The following CEACAM7 variants were observed in gnomAD, a reference collection of about 807,000 sequenced individuals.
CEACAM7 encodes the protein CEA cell adhesion molecule 7.
Under a neutral mutation model 25.7 loss-of-function variants are expected in CEACAM7, and 24 were observed. The ratio of observed to expected loss-of-function variants is 0.93; its 90% CI spans 0.68 to 1.31. The LOEUF (loss-of-function observed/expected upper bound fraction) is 1.31, where lower values mean the gene tolerates loss of function less well. CEACAM7 is among the 40% of genes most tolerant of loss of function. The probability of loss-of-function intolerance (pLI) is 0.00; values close to 1 mark genes in which losing one functional copy is unlikely to be tolerated. For synonymous variants in CEACAM7, 144 were observed against 129.4 expected (o/e 1.11, Z -0.77); for missense variants, 324 against 330.1 (o/e 0.98, Z 0.14).
At chr19:41,686,675 T>G (rs1390273599) in intron 2 of CEACAM7, among the ~76,000 whole-genome samples, 184 bp downstream of exon 2, 3 of 152,194 alleles carry the variant, frequency 2.0e-5, no homozygotes, top group Non-Finnish European at 4.4e-5. Context: ...AGGGTCTGGA[T>G]GCAGGAAAGG....
In CEACAM7 at chr19:41,688,142, T is replaced by A. The variant is rs1860331; in HGVS notation, c.24A>T (p.Pro8=). MGSPSAC[P]YRVCIPWQGL... is the part of the protein sequence containing the mutation. ...CCTGCCAGGGAATGCACACTCTGTATGGACAGGCTGAAGGGGACCCCATGG... is the reference window on the plus strand; with the variant it reads ...CCTGCCAGGGAATGCACACTCTGTAAGGACAGGCTGAAGGGGACCCCATGG... The change falls in exon 1 of 5, where the codon CCA becomes CCT. Residue 8 remains proline (P), a synonymous_variant. Coordinates refer to ENST00000401731, the MANE Select transcript of CEACAM7 (RefSeq NM_001291485.2). 6.2e-7 allele frequency: 1 copy of A among 1,611,912 alleles called. No homozygotes were observed. The highest frequency in any genetic ancestry group is 1.3e-5 in the African/African-American group (1 of 74,842).
intron 1 of CEACAM7, among the ~76,000 whole-genome samples, chr19:41,687,473 C>T (rs1334411306): frequency 6.6e-6 from 1 of 152,200 alleles, no homozygotes; most frequent in Non-Finnish European, 1.5e-5. Context: ...GACCTGCTTA[C>T]ATCAGGGCAT....
intron 3 of CEACAM7, among the ~76,000 whole-genome samples, chr19:41,679,273 A>G (rs2072148215): frequency 6.6e-6 from 1 of 152,192 alleles, no homozygotes; most frequent in Admixed American, 6.5e-5. Flanking sequence ...ATTCCCAGAA[A>G]CATAAAACCT....
At chr19:41,682,341 A>T (rs1600432934) in intron 3 of CEACAM7, among the ~76,000 whole-genome samples, 1 of 152,106 alleles carries the variant, frequency 6.6e-6, no homozygotes, top group East Asian at 1.9e-4. Context: ...CGCTATAAAT[A>T]CACACTTTGT....
chr19:41,683,814 C>T lies in CEACAM7; in HGVS notation c.677G>A (p.Arg226His), dbSNP rs782307166. ...CEIQNPVGAS[R>H]SDPVTLNVRY... Reference sequence around the variant, plus strand: ...GACATTCAGGGTGACTGGGTCACTGCGGCTGGCACCCACTGGGTTCTGTAT... The same window carrying T: ...GACATTCAGGGTGACTGGGTCACTGTGGCTGGCACCCACTGGGTTCTGTAT... Residue 226 changes from arginine to histidine, a missense_variant, in exon 3 of 5, where the codon CGC becomes CAC. Physicochemically the swap from Arg to His is conservative, Grantham distance 29. Coordinates refer to ENST00000401731, the MANE Select transcript of CEACAM7 (RefSeq NM_001291485.2). The T allele has an allele frequency of 3.0e-5, 49 of 1,614,058 alleles. No individual in the cohort carries two copies. The highest frequency in any genetic ancestry group is 1.6e-4 in the Middle Eastern group (1 of 6,084).
Position 41,687,227 on chromosome 19 carries a change from A to T in CEACAM7, c.65-6T>A. On this transcript the variant is annotated splice_polypyrimidine_tract_variant and splice_region_variant and intron_variant, in intron 1 of 4. Coordinates refer to ENST00000401731, the MANE Select transcript of CEACAM7 (RefSeq NM_001291485.2). ...CCAGAAGGTTAAAAGCGAGGCTAGG[A>T]GGGGGAGAGAACATCAGTCAATATT... 1 of 1,584,702 alleles carries T rather than the reference A, an allele frequency of 6.3e-7. No individual in the cohort carries two copies. The highest frequency in any genetic ancestry group is 8.6e-7 in the Non-Finnish European group (1 of 1,165,076).
chr19:41,680,776 G>A (rs1469024180), intron 3 of CEACAM7, among the ~76,000 whole-genome samples: 9 of 151,988 alleles, frequency 5.9e-5, no homozygotes, highest in African/African-American at 2.2e-4. Flanking sequence ...AACCCAAAAT[G>A]GATCAAAGAC....
chr19:41,683,655 T>C (rs1276456590), intron 3 of CEACAM7, 130 bp downstream of exon 3: 14 of 1,419,016 alleles, frequency 9.9e-6, no homozygotes, highest in Non-Finnish European at 1.3e-5. Flanking sequence ...TGGCAGAAAG[T>C]CATGGCCAGC....
In CEACAM7 at chr19:41,673,964, C is replaced by T. The variant is rs2072089460; in HGVS notation, c.*812G>A. The T allele has an allele frequency of 6.6e-6, 1 of 152,098 alleles. No homozygotes were observed. Among genetic ancestry groups the T allele is most frequent in the Admixed American group, 6.6e-5 (1 of 15,266 alleles). 9.4% of individuals were successfully genotyped at this position (152,098 alleles called of 1,614,324 possible). A position where few individuals can be genotyped will look rare whatever the true frequency, so the allele number is the denominator to read the frequency against. ...TAGGCAGAGACCCCATGAACCAAAC[C>T]AAATAAAAGAGAATAGATTAAAGAA... On this transcript the variant is annotated 3_prime_UTR_variant, in exon 5 of 5. Coordinates refer to ENST00000401731, the MANE Select transcript of CEACAM7 (RefSeq NM_001291485.2).
rs562742500 is a variant in CEACAM7, at chr19:41,685,311, C to T, written c.428-1248G>A. On this transcript the variant is annotated intron_variant, in intron 2 of 4. Transcript: ENST00000401731. Reference sequence around the variant, plus strand: ...ATGAGACTCAACACCTGGGTGGCTTCTTTTTTTTTTAAGATCCAGGGATCT... The same window carrying T: ...ATGAGACTCAACACCTGGGTGGCTTTTTTTTTTTTTAAGATCCAGGGATCT... 5.4e-5 allele frequency among the ~76,000 whole-genome samples: 8 copies of T among 149,232 alleles called. No individual in the cohort carries two copies. In the East Asian group the frequency reaches 1.6e-3, roughly 29 times the overall value.
intron 1 of CEACAM7, 24 bp downstream of exon 1, chr19:41,688,078 A>T (rs1555811421): frequency 6.3e-7 from 1 of 1,596,472 alleles, no homozygotes; most frequent in Non-Finnish European, 8.5e-7. Flanking sequence ...CCTCCCACCC[A>T]CTCCCAGGAA....
chr19:41,685,187 C>T (rs2072214747), intron 2 of CEACAM7, among the ~76,000 whole-genome samples: 1 of 152,230 alleles, frequency 6.6e-6, no homozygotes, highest in Admixed American at 6.5e-5. Context: ...GCTTTGGGGA[C>T]TGCACACCTG....
chr19:41,683,890 G>C lies in CEACAM7; in HGVS notation c.601C>G (p.Leu201Val), dbSNP rs2072200628. 1.2e-6 allele frequency: 2 copies of C among 1,614,072 alleles called. No homozygotes were observed. The highest frequency in any genetic ancestry group is 1.1e-5 in the South Asian group (1 of 91,084). The change falls in exon 3 of 5, where the codon CTC becomes GTC. Residue 201 changes from leucine to valine, a missense_variant. Leu to Val is a conservative substitution (Grantham distance 32). Coordinates refer to ENST00000401731, the MANE Select transcript of CEACAM7 (RefSeq NM_001291485.2). ...TTCTTTGTGGCGCTGAGTAGAACGA[G>C]GGTCCTGTTGTCAGTGGAGAGCAGC... ...RLLLSTDNRT[L>V]VLLSATKNDI... is the part of the protein sequence containing the mutation.
chr19:41,682,430 C>T (rs1353539368), intron 3 of CEACAM7, among the ~76,000 whole-genome samples: 1 of 152,176 alleles, frequency 6.6e-6, no homozygotes, highest in Non-Finnish European at 1.5e-5. Flanking sequence ...CCTAGCTGTG[C>T]TCTGTGCTGT....
At chr19:41,685,536 T>A (rs2072217890) in intron 2 of CEACAM7, among the ~76,000 whole-genome samples, 1 of 152,152 alleles carries the variant, frequency 6.6e-6, no homozygotes. Flanking sequence ...TATGGATCAT[T>A]CATTCCTTCA....
chr19:41,687,330 AGTGTGTGT>A (rs55639350), intron 1 of CEACAM7, 109 bp from the exon 2 acceptor site: 30 of 778,320 alleles, frequency 3.9e-5, no homozygotes, highest in South Asian at 1.0e-4. Context: ...TCTTGAAGTA[AGTGTGTGT>A]GTGTGTGTGT....
chr19:41,679,728 C>T (rs540575571), intron 3 of CEACAM7, among the ~76,000 whole-genome samples: 3 of 151,032 alleles, frequency 2.0e-5, no homozygotes, highest in African/African-American at 7.3e-5. Context: ...GATACTAAAT[C>T]AACATGCAAA....
intron 3 of CEACAM7, among the ~76,000 whole-genome samples, chr19:41,682,203 T>G (rs1555810756): frequency 6.6e-6 from 1 of 152,182 alleles, no homozygotes; most frequent in Non-Finnish European, 1.5e-5. Flanking sequence ...CCTCTCGAAG[T>G]GCTGGAATTA....
rs1555809800 is a variant in CEACAM7 at position 41,673,344 on chromosome 19, G to A, written c.*1432C>T. 6.6e-6 allele frequency: 1 copy of A among 152,126 alleles called. No homozygotes were observed. The highest frequency in any genetic ancestry group is 2.1e-4 in the South Asian group (1 of 4,818). 9.4% of individuals were successfully genotyped at this position (152,126 alleles called of 1,614,324 possible). A position where few individuals can be genotyped will look rare whatever the true frequency, so the allele number is the denominator to read the frequency against. On this transcript the variant is annotated 3_prime_UTR_variant, in exon 5 of 5. Transcript: ENST00000401731. Reference sequence around the variant, plus strand: ...CTTTTATTTGTGATTCATGAGTCAGGGCAGTTTCCATTCTGCAAAATATAG... The same window carrying A: ...CTTTTATTTGTGATTCATGAGTCAGAGCAGTTTCCATTCTGCAAAATATAG...
Sources: gnomAD v4.1 joint callset for allele counts (sites outside exome capture counted in the v4.1 genomes callset) on GRCh38, gnomAD v4.1.1 for gene constraint, MANE v1.5 for transcripts, NCBI Gene and HGNC (gene_info 2026-07-23, HGNC 2026-07-21) for gene names.